Variants in LRMDA observed in about 807,000 individuals in gnomAD.
LRMDA encodes the protein leucine rich melanocyte differentiation associated.
In LRMDA, 18 loss-of-function variants were observed where a neutral mutation model predicts 29.8. The observed-to-expected ratio is 0.60, with a 90% CI of 0.42 to 0.90. LRMDA has a LOEUF of 0.90. LRMDA is among the 40% of genes least tolerant of loss of function. The pLI, the probability that LRMDA is intolerant of heterozygous loss-of-function variation, is 0.00. For synonymous variants in LRMDA, 125 were observed against 109.4 expected, an observed-to-expected ratio of 1.14 and a Z score of -0.89; for missense variants, 273 against 273.9, an observed-to-expected ratio of 1.00 and a Z score of 0.02.
intron 2 of LRMDA, among the ~76,000 whole-genome samples, chr10:75,711,756 G>C (rs986118026): frequency 6.6e-6 from 1 of 152,128 alleles, no homozygotes; most frequent in Non-Finnish European, 1.5e-5. Flanking sequence ...TACTCAGGCA[G>C]AACACTGAAG....
chr10:76,062,359 A>G (rs1311498957), intron 5 of LRMDA, among the ~76,000 whole-genome samples: 1 of 152,196 alleles, frequency 6.6e-6, no homozygotes. Flanking sequence ...CCTTGGAGGT[A>G]GGGAAACGGG....
intron 6 of LRMDA, among the ~76,000 whole-genome samples, chr10:76,534,307 AGT>A (rs1357812815): frequency 6.6e-6 from 1 of 152,180 alleles, no homozygotes; most frequent in Non-Finnish European, 1.5e-5. Context: ...AGGTCACATG[AGT>A]GTGTCACACT....
intron 6 of LRMDA, among the ~76,000 whole-genome samples, chr10:76,491,868 A>G (rs1333230849): frequency 6.6e-6 from 1 of 151,616 alleles, no homozygotes. Flanking sequence ...ATTATTTTTT[A>G]TTCTTTGTTA....
intron 2 of LRMDA, among the ~76,000 whole-genome samples, chr10:75,811,502 G>A (rs1204997715): frequency 6.6e-6 from 1 of 152,172 alleles, no homozygotes; most frequent in Non-Finnish European, 1.5e-5. Flanking sequence ...CTGGGCCTAG[G>A]CACGGACTCA....
intron 2 of LRMDA, among the ~76,000 whole-genome samples, chr10:75,652,738 G>A (rs1841615438): frequency 6.6e-6 from 1 of 152,110 alleles, no homozygotes; most frequent in Admixed American, 6.5e-5. Context: ...GTGTGTGTGT[G>A]TTTCTTCTAT....
intron 3 of LRMDA, among the ~76,000 whole-genome samples, chr10:76,043,611 T>C (rs1439334907): frequency 6.6e-6 from 1 of 152,126 alleles, no homozygotes; most frequent in East Asian, 1.9e-4. Flanking sequence ...TCCCAGGGCC[T>C]TGGAAGGGGC....
intron 2 of LRMDA, among the ~76,000 whole-genome samples, chr10:75,457,413 C>T (rs1283979982): frequency 6.6e-6 from 1 of 152,140 alleles, no homozygotes. Context: ...GTTGGCCATG[C>T]CAGAGTCTTT....
At chr10:75,785,576 G>A (rs766334072) in intron 2 of LRMDA, among the ~76,000 whole-genome samples, 25 of 152,162 alleles carry the variant, frequency 1.6e-4, no homozygotes, top group Admixed American at 1.3e-4. Context: ...TGTTAGATTC[G>A]TTCCTGATTC....
intron 2 of LRMDA, among the ~76,000 whole-genome samples, chr10:75,632,887 G>C (rs1485696018): frequency 8.0e-6 from 1 of 124,644 alleles, no homozygotes; most frequent in Non-Finnish European, 1.6e-5. Context: ...CTTTTGCCTT[G>C]TCATTGACTT....
chr10:76,476,005 G>C (rs561770855), intron 6 of LRMDA, among the ~76,000 whole-genome samples: 1 of 151,820 alleles, frequency 6.6e-6, no homozygotes, highest in Admixed American at 6.6e-5. Flanking sequence ...GAAGCAAGAG[G>C]AAACACATTC....
chr10:75,616,090 G>A (rs1486212227), intron 2 of LRMDA, among the ~76,000 whole-genome samples: 6 of 152,164 alleles, frequency 3.9e-5, no homozygotes, highest in African/African-American at 1.2e-4. Flanking sequence ...TGGGTGGGGA[G>A]GGCTCACAGT....
chr10:76,231,811 A>C (rs1341346596), intron 5 of LRMDA, among the ~76,000 whole-genome samples: 1 of 152,222 alleles, frequency 6.6e-6, no homozygotes, highest in African/African-American at 2.4e-5. Flanking sequence ...GATTATTTAC[A>C]TTAAGGGCAT....
intron 2 of LRMDA, among the ~76,000 whole-genome samples, chr10:75,976,636 T>C (rs1847076486): frequency 6.6e-6 from 1 of 152,242 alleles, no homozygotes; most frequent in Non-Finnish European, 1.5e-5. Context: ...AAAGTATTAC[T>C]ATTTGCCAGG....
At chr10:76,109,636 T>A (rs1439729713) in intron 5 of LRMDA, among the ~76,000 whole-genome samples, 2 of 152,214 alleles carry the variant, frequency 1.3e-5, no homozygotes, top group African/African-American at 4.8e-5. Context: ...CCCCATTTTG[T>A]TACCTTCAAC....
At position 76,265,158 on chromosome 10, in the gene LRMDA, A is replaced by G. The variant is rs893967630; in HGVS notation, c.517-59243A>G. Among the ~76,000 whole-genome samples, 4 of 152,338 alleles carry G rather than the reference A, an allele frequency of 2.6e-5. 1 individual carries two copies. The Middle Eastern group carries it at 0.01, about 389-fold the overall frequency. On this transcript the variant is annotated intron_variant, in intron 5 of 6. Coordinates refer to ENST00000611255, the MANE Select transcript of LRMDA (RefSeq NM_001305581.2). ...TGAGTGCGTGAACAGCAGGAGGCAGAAGCAGGAAATTGTTGATCCGGTCCG... is the reference window on the plus strand; with the variant it reads ...TGAGTGCGTGAACAGCAGGAGGCAGGAGCAGGAAATTGTTGATCCGGTCCG...
chr10:76,555,656 G>A (rs1401414969), intron 6 of LRMDA, among the ~76,000 whole-genome samples: 1 of 151,152 alleles, frequency 6.6e-6, no homozygotes, highest in Non-Finnish European at 1.5e-5. Context: ...AAGGTTTGAA[G>A]TTTTGTAGTG....
chr10:75,438,987 GTGA>G (rs146804631), intron 2 of LRMDA, among the ~76,000 whole-genome samples: 15 of 152,262 alleles, frequency 9.9e-5, no homozygotes, highest in Non-Finnish European at 2.2e-4. Flanking sequence ...TTAAATATTT[GTGA>G]TGATAATTTC....
intron 5 of LRMDA, among the ~76,000 whole-genome samples, chr10:76,088,817 T>C (rs1849182962): frequency 6.6e-6 from 1 of 152,254 alleles, no homozygotes; most frequent in African/African-American, 2.4e-5. Flanking sequence ...CTTCTTCCCA[T>C]ATTCTAGAAT....
chr10:76,092,891 A>G (rs1849252845), intron 5 of LRMDA, among the ~76,000 whole-genome samples: 1 of 152,208 alleles, frequency 6.6e-6, no homozygotes, highest in African/African-American at 2.4e-5. Flanking sequence ...GCATTTTTTT[A>G]TCAAATGGCT....
Sources: gnomAD v4.1 joint callset for allele counts (sites outside exome capture counted in the v4.1 genomes callset) on GRCh38, gnomAD v4.1.1 for gene constraint, MANE v1.5 for transcripts, NCBI Gene and HGNC (gene_info 2026-07-23, HGNC 2026-07-21) for gene names.